The following MUC20 variants were observed in gnomAD, a reference collection of about 807,000 sequenced individuals.
MUC20 encodes the protein mucin 20, cell surface associated, also known as mucin-20.
A neutral mutation model predicts 23.8 loss-of-function variants in MUC20; 14 were observed. The ratio of observed to expected loss-of-function variants is 0.59; its 90% CI spans 0.39 to 0.92. The LOEUF is 0.92. Ranked by LOEUF, MUC20 falls within the 40% of genes least tolerant of loss-of-function variation. MUC20 has a pLI of 0.00. For missense variants in MUC20, 375 were observed against 668.8 expected, an observed-to-expected ratio of 0.56 and a Z score of 4.85; for synonymous variants, 166 against 279.3, an observed-to-expected ratio of 0.59 and a Z score of 4.04.
chr3:195,731,769 A>G (rs1252057977), intron 3 of MUC20, among the ~76,000 whole-genome samples: 2 of 152,280 alleles, frequency 1.3e-5, no homozygotes, highest in Non-Finnish European at 2.9e-5. Flanking sequence ...GCCCACAGCC[A>G]GGTGCCAGGG....
chr3:195,729,663 T>C lies in MUC20; in HGVS notation c.1985T>C (p.Phe662Ser). The C allele has an allele frequency of 6.3e-7, 1 of 1,586,246 alleles. No individual in the cohort carries two copies. Among genetic ancestry groups the C allele is most frequent in the South Asian group, 1.2e-5 (1 of 86,874 alleles). The change falls in exon 3 of 4, where the codon TTC becomes TCC. Residue 662 changes from phenylalanine (F) to serine (S), a missense_variant. Physicochemically the swap from Phe to Ser is radical, Grantham distance 155. Transcript: ENST00000447234. The part of the protein sequence containing the change: ...TDVSAGENGG[F>S]LLLRLSVASP... The stretch of plus-strand genomic sequence containing the variant: ...CCATTTGCAGGTGAAAATGGAGGTT[T>C]CCTCCTCCTGCGGCTGAGTGTGGCT...
chr3:195,729,001 T>C (rs1713061640), intron 2 of MUC20, among the ~76,000 whole-genome samples: 1 of 152,300 alleles, frequency 6.6e-6, no homozygotes, highest in African/African-American at 2.4e-5. Context: ...CAGCAAAGCT[T>C]GTTTAAAGTA....
chr3:195,727,943 G>T (rs1325023937), intron 2 of MUC20, among the ~76,000 whole-genome samples: 3 of 145,034 alleles, frequency 2.1e-5, no homozygotes, highest in African/African-American at 8.6e-5. Flanking sequence ...GCCAGGCAGT[G>T]TGCCACCAGC....
intron 2 of MUC20, among the ~76,000 whole-genome samples, chr3:195,727,817 G>A (rs999149872): frequency 7.1e-5 from 10 of 140,502 alleles, no homozygotes; most frequent in African/African-American, 3.3e-4. Flanking sequence ...TCTGATGCCA[G>A]GCAGTGTGCC....
intron 2 of MUC20, 32 bp downstream of exon 2, chr3:195,726,604 T>G: frequency 6.3e-7 from 1 of 1,586,704 alleles, no homozygotes; most frequent in East Asian, 2.2e-5. Flanking sequence ...TCTTCGGGGA[T>G]TTGGGATGCG....
chr3:195,732,360 T>G (rs1359140870), intron 3 of MUC20, among the ~76,000 whole-genome samples: 3 of 151,840 alleles, frequency 2.0e-5, no homozygotes, highest in Non-Finnish European at 4.4e-5. Flanking sequence ...TTTTCTTTTC[T>G]TTTCTTTTAT....
chr3:195,727,579 A>T (rs1305115812), intron 2 of MUC20, among the ~76,000 whole-genome samples: 1 of 152,266 alleles, frequency 6.6e-6, no homozygotes, highest in Admixed American at 6.5e-5. Flanking sequence ...GCAGCTTGTT[A>T]CCACCTTTCT....
intron 3 of MUC20, among the ~76,000 whole-genome samples, chr3:195,732,334 T>C (rs1189315657): frequency 6.6e-6 from 1 of 151,480 alleles, no homozygotes; most frequent in African/African-American, 2.4e-5. Flanking sequence ...CTTTTTCTTT[T>C]TCTTTTTCTT....
At chr3:195,731,880 C>T (rs537118590) in intron 3 of MUC20, among the ~76,000 whole-genome samples, 2 of 152,374 alleles carry the variant, frequency 1.3e-5, no homozygotes, top group Admixed American at 1.3e-4. Context: ...GGCACGGGGG[C>T]TCGACACCCG....
chr3:195,730,922 G>C (rs1295314050), intron 3 of MUC20, among the ~76,000 whole-genome samples: 1 of 152,230 alleles, frequency 6.6e-6, no homozygotes, highest in Non-Finnish European at 1.5e-5. Context: ...GGATGGGGAT[G>C]GTGTGGCTTG....
intron 2 of MUC20, among the ~76,000 whole-genome samples, chr3:195,729,080 CCTT>C (rs1322155423): frequency 6.6e-6 from 1 of 152,260 alleles, no homozygotes; most frequent in Non-Finnish European, 1.5e-5. Flanking sequence ...TCTGATCGCT[CCTT>C]CTTTTCCCTG....
intron 2 of MUC20, among the ~76,000 whole-genome samples, chr3:195,728,317 A>C (rs1258758884): frequency 2.6e-5 from 4 of 152,234 alleles, no homozygotes; most frequent in South Asian, 2.1e-4. Flanking sequence ...AAAGGAATGT[A>C]GTAGGAGAGC....
chr3:195,729,897 T>A, intron 3 of MUC20, 158 bp downstream of exon 3: 1 of 741,886 alleles, frequency 1.3e-6, no homozygotes, highest in Non-Finnish European at 2.2e-6. Flanking sequence ...GATCTCTGCC[T>A]GGCTTTGCTT....
rs140657826 is a variant in MUC20, at chr3:195,733,202, G to A, written c.2114G>A (p.Arg705His). The A allele has an allele frequency of 2.6e-3, 4,145 of 1,593,618 alleles. 18 individuals are homozygous for A. Among genetic ancestry groups the A allele is most frequent in the South Asian group, 4.0e-3 (343 of 86,706 alleles). ...HAPHFQVSLL[R>H]VRRG ...CCTCACTTCCAGGTCTCCTTACTGC[G>A]TGTCAGGAGAGGCTAACGGACATCA... The change falls in exon 4 of 4, where the codon CGT (arginine) becomes CAT (histidine). Residue 705 changes from arginine (R) to histidine (H), a missense_variant. Arg to His is a conservative substitution (Grantham distance 29). Transcript: ENST00000447234.
In MUC20 at chr3:195,726,093, G is replaced by A; in HGVS notation, c.1490G>A (p.Gly497Glu). 1.9e-6 allele frequency: 3 copies of A among 1,611,136 alleles called. No homozygotes were observed. Among genetic ancestry groups the A allele is most frequent in the Non-Finnish European group, 2.5e-6 (3 of 1,177,506 alleles). Residue 497 changes from glycine to glutamate, a missense_variant, in exon 2 of 4, where the codon GGG becomes GAG. Around this residue, in one of 4 missense-constraint regions of MUC20, gnomAD observed 343 missense variants for 340.2 expected, o/e 1.01. Coordinates refer to ENST00000447234, the MANE Select transcript of MUC20 (RefSeq NM_001282506.2). ...TCAGCTGCACCTGATGCCACGGTTG[G>A]GACCCCACTCCCCACTAACAGCGCC... ...TESAAPDATV[G>E]TPLPTNSATE...
At chr3:195,732,608 C>T (rs1442374854) in intron 3 of MUC20, among the ~76,000 whole-genome samples, 1 of 152,250 alleles carries the variant, frequency 6.6e-6, no homozygotes, top group African/African-American at 2.4e-5. Flanking sequence ...GACCCACCTG[C>T]CTCTGCTTCC....
In MUC20 at chr3:195,729,700, C is replaced by T. The variant is rs765580576; in HGVS notation, c.2022C>T (p.Asp674=). 13 of 1,597,394 alleles carry T rather than the reference C, an allele frequency of 8.1e-6. No homozygotes were observed. Among genetic ancestry groups the T allele is most frequent in the East Asian group, 2.3e-5 (1 of 44,302 alleles). Residue 674 remains aspartate (D), a synonymous_variant, in exon 3 of 4, where the codon GAC becomes GAT. Coordinates refer to ENST00000447234, the MANE Select transcript of MUC20 (RefSeq NM_001282506.2). ...GGCTGAGTGTGGCTTCCCCGGAAGA[C>T]CTCACTGACCCCAGAGTGGCAGAAA... ...LLRLSVASPE[D]LTDPRVAERL...
intron 3 of MUC20, 75 bp from the exon 4 acceptor site, chr3:195,733,075 C>T: frequency 6.7e-7 from 1 of 1,488,202 alleles, no homozygotes; most frequent in Admixed American, 2.0e-5. Flanking sequence ...CCCCAGTGTC[C>T]CTTCCTGTCC....
At chr3:195,732,198 T>A (rs1322096948) in intron 3 of MUC20, among the ~76,000 whole-genome samples, 1 of 151,950 alleles carries the variant, frequency 6.6e-6, no homozygotes, top group African/African-American at 2.4e-5. Context: ...GAGATGGAGT[T>A]TCAGGTTTCA....
Sources: allele counts gnomAD v4.1 joint callset (sites outside exome capture counted in the v4.1 genomes callset), GRCh38; gene constraint gnomAD v4.1.1; regional missense constraint gnomAD v4.1.1; transcripts MANE v1.5; gene names NCBI Gene and HGNC (gene_info 2026-07-23, HGNC 2026-07-21).